Variants in GATAD2A observed in about 807,000 individuals in gnomAD.
The protein encoded by GATAD2A is GATA zinc finger domain containing 2A.
In GATAD2A, 12 loss-of-function variants were observed where a neutral mutation model predicts 68.5. That is an observed-to-expected ratio of 0.18 (90% CI 0.11 to 0.28). The LOEUF (loss-of-function observed/expected upper bound fraction) is 0.28. Ranked by LOEUF, GATAD2A falls within the 10% of genes least tolerant of loss-of-function variation. The pLI is 1.00. For synonymous variants in GATAD2A, 410 were observed against 375.3 expected, an observed-to-expected ratio of 1.09 and a Z score of -1.07; for missense variants, 755 against 868.5, an observed-to-expected ratio of 0.87 and a Z score of 1.64.
chr19:19,393,122 T>C (rs1423212908), intron 1 of GATAD2A, among the ~76,000 whole-genome samples: 3 of 152,120 alleles, frequency 2.0e-5, no homozygotes, highest in Non-Finnish European at 4.4e-5. Flanking sequence ...CTGGCCAAAA[T>C]GGCAAAACCC....
chr19:19,391,593 G>A (rs1450770949), intron 1 of GATAD2A, among the ~76,000 whole-genome samples: 1 of 152,128 alleles, frequency 6.6e-6, no homozygotes, highest in East Asian at 1.9e-4. Context: ...GGATGGTGGG[G>A]CCACCACCAA....
intron 1 of GATAD2A, among the ~76,000 whole-genome samples, chr19:19,455,859 A>G (rs1316992965): frequency 6.6e-6 from 1 of 152,138 alleles, no homozygotes; most frequent in Non-Finnish European, 1.5e-5. Flanking sequence ...ATTTTAAGAA[A>G]AAGTTTACTG....
At chr19:19,458,961 T>A (rs926313668) in intron 1 of GATAD2A, among the ~76,000 whole-genome samples, 1 of 152,266 alleles carries the variant, frequency 6.6e-6, no homozygotes, top group East Asian at 1.9e-4. Context: ...TCTTTCTTTG[T>A]TAGTTTCTTT....
In GATAD2A at chr19:19,465,536, C is replaced by G; in HGVS notation, c.191C>G (p.Thr64Arg). Reference sequence around the variant, plus strand: ...CCAACCCAAGGATTGCTGAGGGCAACAGAGGCCACGGCCATGGCCATGGGC... The same window carrying G: ...CCAACCCAAGGATTGCTGAGGGCAAGAGAGGCCACGGCCATGGCCATGGGC... ...AGPTQGLLRA[T>R]EATAMAMGRG... is the part of the protein sequence containing the mutation. The change falls in exon 2 of 12, where the codon ACA becomes AGA. Residue 64 changes from threonine to arginine, a missense_variant. Coordinates refer to ENST00000683918, the MANE Select transcript of GATAD2A (RefSeq NM_001384528.1). The G allele has an allele frequency of 1.2e-6, 2 of 1,613,962 alleles. No homozygotes were observed. Among genetic ancestry groups the G allele is most frequent in the Non-Finnish European group, 1.7e-6 (2 of 1,179,826 alleles).
In GATAD2A at chr19:19,501,545, G is replaced by A. The variant is rs887802621; in HGVS notation, c.1503+129G>A. The A allele has an allele frequency of 6.0e-5, 46 of 768,194 alleles. 1 individual carries two copies. The highest frequency in any genetic ancestry group is 8.8e-5 in the Admixed American group (3 of 33,974). The allele number at this position is 768,194 out of a possible 1,614,324, so 47.6% of individuals were successfully genotyped here. On this transcript the variant is annotated intron_variant, in intron 9 of 11. Transcript: ENST00000683918. ...TAAATTGCAGTTAATGGTGGTGTTG[G>A]GCGGCAAAAACACTAATTTGCAGTT...
At chr19:19,440,944 C>T (rs1436295763) in intron 1 of GATAD2A, among the ~76,000 whole-genome samples, 1 of 123,784 alleles carries the variant, frequency 8.1e-6, no homozygotes, top group Non-Finnish European at 1.6e-5. Context: ...TCTTCCTTCC[C>T]TTTCCTTCCT....
intron 1 of GATAD2A, among the ~76,000 whole-genome samples, chr19:19,461,778 C>G: frequency 6.6e-6 from 1 of 152,230 alleles, no homozygotes; most frequent in East Asian, 1.9e-4. Context: ...GCAGTCCGGC[C>G]TGGGGTGTTT....
At chr19:19,465,830 G>A (rs1199810312) in intron 2 of GATAD2A, among the ~76,000 whole-genome samples, 2 of 152,246 alleles carry the variant, frequency 1.3e-5, no homozygotes, top group Admixed American at 6.5e-5. Context: ...CAGAGTGTGG[G>A]TCTCACAGGA....
In GATAD2A at chr19:19,501,225, A is replaced by C; in HGVS notation, c.1312A>C (p.Met438Leu). The C allele has an allele frequency of 6.2e-7, 1 of 1,613,456 alleles. No individual in the cohort carries two copies. Among genetic ancestry groups the C allele is most frequent in the Non-Finnish European group, 8.5e-7 (1 of 1,180,004 alleles). The part of the protein sequence containing the change: ...RWREEKSGAI[M>L]CENCMTTNQK... ...GCGGGAGGAGAAGAGCGGCGCCATC[A>C]TGTGTGAGAACTGCATGACAACCAA... is the stretch of plus-strand genomic sequence containing the variant. The change falls in exon 9 of 12, where the codon ATG becomes CTG. Residue 438 changes from methionine to leucine, a missense_variant. By Grantham distance (15) the Met-to-Leu change is conservative. Transcript: ENST00000683918.
chr19:19,501,923 G>A lies in GATAD2A; in HGVS notation c.1504-46G>A, dbSNP rs766575404. 12 of 1,491,782 alleles carry A rather than the reference G, an allele frequency of 8.0e-6. No homozygotes were observed. In the Admixed American group the frequency reaches 8.4e-5, roughly 10 times the overall value. The allele number at this position is 1,491,782 out of a possible 1,614,324, so 92.4% of individuals were successfully genotyped here. ...GGCTCACCCTCGGTCACCCTGGGCC[G>A]GCCAGCGGACCGCACTGACTTTGCT... On this transcript the variant is annotated intron_variant, in intron 9 of 11. Transcript: ENST00000683918.
chr19:19,451,778 G>C (rs961724877), intron 1 of GATAD2A, among the ~76,000 whole-genome samples: 4 of 152,240 alleles, frequency 2.6e-5, no homozygotes, highest in Non-Finnish European at 4.4e-5. Context: ...ATCAGTAGCT[G>C]TGTGGACGCT....
intron 1 of GATAD2A, among the ~76,000 whole-genome samples, chr19:19,428,557 C>G (rs142364791): frequency 2.6e-5 from 4 of 152,060 alleles, no homozygotes; most frequent in African/African-American, 9.7e-5. Flanking sequence ...GCCAGGTGAG[C>G]CAGGCTGGGC....
intron 1 of GATAD2A, among the ~76,000 whole-genome samples, chr19:19,412,454 C>T (rs977201538): frequency 6.6e-6 from 1 of 151,758 alleles, no homozygotes; most frequent in African/African-American, 2.4e-5. Flanking sequence ...CGTGCCCGGC[C>T]GATTCCCCAT....
intron 1 of GATAD2A, among the ~76,000 whole-genome samples, chr19:19,453,908 C>T (rs1238732219): frequency 2.6e-5 from 4 of 151,900 alleles, no homozygotes; most frequent in South Asian, 2.1e-4. Context: ...GTGATCCACC[C>T]GTCTTGGCCT....
chr19:19,486,509 G>A (rs1054037173), intron 2 of GATAD2A, among the ~76,000 whole-genome samples: 7 of 152,244 alleles, frequency 4.6e-5, no homozygotes, highest in African/African-American at 1.7e-4. Context: ...TGAAGAGGCA[G>A]CATGTGATCT....
chr19:19,491,503 G>A (rs1283429119), intron 2 of GATAD2A, among the ~76,000 whole-genome samples: 1 of 152,210 alleles, frequency 6.6e-6, no homozygotes, highest in Non-Finnish European at 1.5e-5. Context: ...TACGGAGTGG[G>A]CAGCAGGGTA....
chr19:19,486,206 C>T (rs958825326), intron 2 of GATAD2A, among the ~76,000 whole-genome samples: 1 of 152,240 alleles, frequency 6.6e-6, no homozygotes, highest in African/African-American at 2.4e-5. Context: ...TGGGCTCCCA[C>T]TCTTTCCTCA....
At chr19:19,483,352 A>G (rs1050999626) in intron 2 of GATAD2A, among the ~76,000 whole-genome samples, 5 of 152,116 alleles carry the variant, frequency 3.3e-5, no homozygotes, top group African/African-American at 1.2e-4. Context: ...CAAAAATCCC[A>G]TCCCAGCTGC....
chr19:19,439,282 C>CT (rs1431902666), intron 1 of GATAD2A, among the ~76,000 whole-genome samples: 4 of 152,182 alleles, frequency 2.6e-5, no homozygotes, highest in Non-Finnish European at 1.5e-5. Context: ...CACGCACTGC[C>CT]TAGTGCTGGG....
Sources: gnomAD v4.1 joint callset for allele counts (sites outside exome capture counted in the v4.1 genomes callset) on GRCh38, gnomAD v4.1.1 for gene constraint, MANE v1.5 for transcripts, NCBI Gene and HGNC (gene_info 2026-07-23, HGNC 2026-07-21) for gene names.